The following HDAC9 variants were observed in gnomAD, a reference collection of about 807,000 sequenced individuals.
HDAC9 encodes the protein histone deacetylase 9.
In HDAC9, 41 loss-of-function variants were observed where a neutral mutation model predicts 139.4. The observed-to-expected ratio is 0.29, with a 90% CI of 0.23 to 0.38. The LOEUF (loss-of-function observed/expected upper bound fraction) is 0.38, where lower values mean the gene tolerates loss of function less well. HDAC9 is among the 10% of genes least tolerant of loss of function. HDAC9 has a pLI of 1.00. For synonymous variants in HDAC9, 517 were observed against 476.2 expected (o/e 1.09, Z -1.12); for missense variants, 1,147 against 1,297.0 (o/e 0.88, Z 1.78).
At chr7:18,263,495 T>C (rs1210728258) in intron 2 of HDAC9, among the ~76,000 whole-genome samples, 2 of 152,174 alleles carry the variant, frequency 1.3e-5, no homozygotes, top group Non-Finnish European at 2.9e-5. Flanking sequence ...ACCTGTTGCC[T>C]TGAACAAACT....
intron 1 of HDAC9, among the ~76,000 whole-genome samples, chr7:18,117,312 C>G (rs2128089195): frequency 6.6e-6 from 1 of 151,850 alleles, no homozygotes; most frequent in East Asian, 1.9e-4. Flanking sequence ...CGGTGAAACC[C>G]CATCTCTACA....
intron 25 of HDAC9, among the ~76,000 whole-genome samples, chr7:18,990,381 C>A (rs970400308): frequency 1.3e-5 from 2 of 152,208 alleles, no homozygotes; most frequent in African/African-American, 4.8e-5. Context: ...GTCAGGGACC[C>A]ACTTGAGGAG....
At chr7:18,462,062 C>T (rs1793898257) in intron 1 of HDAC9, among the ~76,000 whole-genome samples, 1 of 151,972 alleles carries the variant, frequency 6.6e-6, no homozygotes, top group Non-Finnish European at 1.5e-5. Flanking sequence ...TACTATCTAT[C>T]TCCTTTAAAT....
intron 22 of HDAC9, among the ~76,000 whole-genome samples, chr7:18,886,146 G>A (rs1442614050): frequency 6.6e-6 from 1 of 151,912 alleles, no homozygotes; most frequent in Non-Finnish European, 1.5e-5. Context: ...AAGTGAATGA[G>A]TGCTCCATGT....
At chr7:18,795,832 C>A (rs572130051) in intron 17 of HDAC9, among the ~76,000 whole-genome samples, 2 of 152,284 alleles carry the variant, frequency 1.3e-5, no homozygotes, top group South Asian at 4.1e-4. Flanking sequence ...GCCTACGTGT[C>A]CCAGACTCAA....
chr7:18,580,244 AT>A (rs950401497), intron 2 of HDAC9, among the ~76,000 whole-genome samples: 30 of 152,212 alleles, frequency 2.0e-4, no homozygotes, highest in African/African-American at 6.0e-4. Flanking sequence ...TTATTTTGAA[AT>A]GAGAGCTCTT....
intron 12 of HDAC9, chr7:18,667,709 C>A: frequency 1.0e-6 from 1 of 985,088 alleles, no homozygotes; most frequent in Non-Finnish European, 1.2e-6. Context: ...GAAAAAAAAT[C>A]TGAGGATAGT....
chr7:18,876,274 A>C (rs141630668), intron 22 of HDAC9, among the ~76,000 whole-genome samples: 1 of 152,216 alleles, frequency 6.6e-6, no homozygotes, highest in East Asian at 1.9e-4. Flanking sequence ...GAAGCTCTTC[A>C]TTGTGTTCCA....
At chr7:18,481,915 A>G (rs1057390530) in intron 1 of HDAC9, among the ~76,000 whole-genome samples, 2 of 152,090 alleles carry the variant, frequency 1.3e-5, no homozygotes, top group Admixed American at 6.5e-5. Context: ...TCATGTCCAG[A>G]TCCTTGTAAT....
intron 19 of HDAC9, among the ~76,000 whole-genome samples, chr7:18,834,637 G>A (rs1186413813): frequency 6.6e-6 from 1 of 151,668 alleles, no homozygotes; most frequent in Non-Finnish European, 1.5e-5. Flanking sequence ...TAGGCAGATT[G>A]CACAAGATTG....
At chr7:18,714,262 A>G (rs544628647) in intron 12 of HDAC9, among the ~76,000 whole-genome samples, 1 of 152,348 alleles carries the variant, frequency 6.6e-6, no homozygotes, top group South Asian at 2.1e-4. Context: ...TGCCTACTCT[A>G]CGCAAAACAT....
rs151073264 is a variant in HDAC9, at chr7:18,200,642, C to T, written c.25+38293C>T. On this transcript the variant is annotated intron_variant, in intron 2 of 12. Transcript: ENST00000417496. Reference sequence around the variant, plus strand: ...GGGTTTGGTAGTAGACTAACACCATCGAGCAATTGGGAGTTCAACATTATG... The same window carrying T: ...GGGTTTGGTAGTAGACTAACACCATTGAGCAATTGGGAGTTCAACATTATG... 1.7e-3 allele frequency among the ~76,000 whole-genome samples: 257 copies of T among 152,272 alleles called. 1 individual carries two copies. The highest frequency in any genetic ancestry group is 5.5e-3 in the African/African-American group (227 of 41,562).
intron 16 of HDAC9, among the ~76,000 whole-genome samples, chr7:18,772,803 T>G (rs913433541): frequency 1.3e-5 from 2 of 152,108 alleles, no homozygotes; most frequent in East Asian, 3.9e-4. Context: ...ACTGAGAATT[T>G]AGTTTCATGC....
intron 1 of HDAC9, among the ~76,000 whole-genome samples, chr7:18,459,957 T>TTTTC (rs1314039834): frequency 1.3e-5 from 2 of 151,984 alleles, no homozygotes; most frequent in East Asian, 3.9e-4. Context: ...TTTTTTTTTT[T>TTTTC]TTTCGAGACA....
At chr7:18,197,780 A>G (rs375466263) in intron 2 of HDAC9, among the ~76,000 whole-genome samples, 1 of 152,172 alleles carries the variant, frequency 6.6e-6, no homozygotes. Flanking sequence ...TGTACTTCAG[A>G]TATTTGAGAT....
chr7:18,495,645 A>G (rs144116853), upstream of HDAC9: 109 of 709,880 alleles, frequency 1.5e-4, no homozygotes, highest in African/African-American at 1.8e-3. Flanking sequence ...CAGGCCGACC[A>G]TTGTTCTATT....
At chr7:18,295,316 A>T (rs1277328499) in intron 1 of HDAC9, among the ~76,000 whole-genome samples, 1 of 152,136 alleles carries the variant, frequency 6.6e-6, no homozygotes, top group African/African-American at 2.4e-5. Context: ...AGGAGAAAGG[A>T]GTGATTATCC....
intron 24 of HDAC9, among the ~76,000 whole-genome samples, chr7:18,972,843 A>C (rs1170680524): frequency 2.0e-5 from 3 of 152,238 alleles, no homozygotes; most frequent in Non-Finnish European, 4.4e-5. Flanking sequence ...CTGTCCAAAT[A>C]AACCACAAAG....
At chr7:18,673,161 AC>A (rs1255376238) in intron 12 of HDAC9, among the ~76,000 whole-genome samples, 6 of 151,960 alleles carry the variant, frequency 3.9e-5, no homozygotes, top group Admixed American at 3.9e-4. Flanking sequence ...ATGTCTGTAG[AC>A]CTAGATACCT....
Sources: allele counts gnomAD v4.1 joint callset (sites outside exome capture counted in the v4.1 genomes callset), GRCh38; gene constraint gnomAD v4.1.1; transcripts MANE v1.5; gene names NCBI Gene and HGNC (gene_info 2026-07-23, HGNC 2026-07-21).